RIGI: variants seen among roughly 807,000 people sequenced by gnomAD.
The protein encoded by RIGI is RNA sensor RIG-I, also known as antiviral innate immune response receptor RIG-I.
chr9:32,498,375 C>G, the RIGI span: 8 of 456,508 alleles, frequency 1.8e-5, no homozygotes, highest in Non-Finnish European at 3.1e-5. Flanking sequence ...TTTGGTCACC[C>G]TATTCAGCAT....
chr9:32,502,235 C>A, the RIGI span, among the ~76,000 whole-genome samples: 3 of 152,136 alleles, frequency 2.0e-5, no homozygotes, highest in African/African-American at 7.2e-5. Context: ...ATGGATACAC[C>A]ACATTTTGTT....
the RIGI span, among the ~76,000 whole-genome samples, chr9:32,471,329 T>C: frequency 0.059 from 8,975 of 152,318 alleles, 407 homozygotes; most frequent in Admixed American, 0.11. Context: ...TATATTTTGC[T>C]AAGGCCAAAA....
At chr9:32,468,692 G>A in the RIGI span, among the ~76,000 whole-genome samples, 2 of 151,768 alleles carry the variant, frequency 1.3e-5, no homozygotes, top group African/African-American at 2.4e-5. Flanking sequence ...CAAATGAGGG[G>A]CTTGAGGTTC....
At chr9:32,494,664 A>G in the RIGI span, among the ~76,000 whole-genome samples, 1 of 152,124 alleles carries the variant, frequency 6.6e-6, no homozygotes, top group African/African-American at 2.4e-5. Flanking sequence ...AAACTCTATG[A>G]AACAACTATT....
the RIGI span, among the ~76,000 whole-genome samples, chr9:32,482,220 A>T: frequency 1.1e-3 from 155 of 143,924 alleles, no homozygotes; most frequent in Admixed American, 1.8e-3. Flanking sequence ...TGTGTGTTTG[A>T]TTGTTTCTTG....
chr9:32,466,233 C>T, the RIGI span: 12 of 1,569,338 alleles, frequency 7.6e-6, no homozygotes, highest in Admixed American at 2.0e-4. Context: ...AACCATCCTC[C>T]TCACATTCCC....
the RIGI span, among the ~76,000 whole-genome samples, chr9:32,512,124 A>G: frequency 1.3e-5 from 2 of 152,334 alleles, no homozygotes; most frequent in East Asian, 3.9e-4. Flanking sequence ...TTCACAGCTG[A>G]ATTCTACCAG....
At chr9:32,504,092 G>T in the RIGI span, among the ~76,000 whole-genome samples, 1 of 127,650 alleles carries the variant, frequency 7.8e-6, no homozygotes, top group African/African-American at 3.0e-5. Context: ...GAAACATCCT[G>T]GACAACCTGT....
At chr9:32,469,124 C>T in the RIGI span, among the ~76,000 whole-genome samples, 7 of 152,116 alleles carry the variant, frequency 4.6e-5, no homozygotes. Flanking sequence ...GCCTGGGTCC[C>T]TACAATAAGT....
chr9:32,488,203 C>A, the RIGI span: 1 of 1,612,460 alleles, frequency 6.2e-7, no homozygotes, highest in Non-Finnish European at 8.5e-7. Flanking sequence ...TAACTCTATA[C>A]CTGGGAAATG....
the RIGI span, chr9:32,491,432 C>CA: frequency 6.3e-7 from 1 of 1,581,464 alleles, no homozygotes; most frequent in South Asian, 1.2e-5. Flanking sequence ...TTTTTAAGAC[C>CA]AAAAAAGTCT....
the RIGI span, chr9:32,480,125 A>C: frequency 7.9e-6 from 11 of 1,399,348 alleles, no homozygotes; most frequent in Non-Finnish European, 1.1e-5. Flanking sequence ...AAGCATCCCC[A>C]AGTTTATATA....
the RIGI span, among the ~76,000 whole-genome samples, chr9:32,484,748 G>A: frequency 6.6e-5 from 10 of 152,066 alleles, no homozygotes; most frequent in Non-Finnish European, 1.5e-4. Context: ...TTCAAATCCA[G>A]GCCCTTCACT....
At chr9:32,491,543 A>T in the RIGI span, 1 of 661,886 alleles carries the variant, frequency 1.5e-6, no homozygotes, top group South Asian at 2.3e-5. Context: ...TCTCACAACC[A>T]CTCCCCTTCA....
the RIGI span, chr9:32,488,016 G>A: frequency 1.9e-6 from 3 of 1,613,944 alleles, no homozygotes; most frequent in African/African-American, 1.3e-5. Context: ...TTGTACGGGT[G>A]TTGTTTACTA....
the RIGI span, among the ~76,000 whole-genome samples, chr9:32,507,052 T>A: frequency 1.3e-5 from 2 of 152,168 alleles, no homozygotes; most frequent in East Asian, 1.9e-4. Flanking sequence ...TCTGTGAAAA[T>A]TTTTTTAAAC....
At chr9:32,498,213 T>C in the RIGI span, 2 of 452,530 alleles carry the variant, frequency 4.4e-6, no homozygotes, top group African/African-American at 4.0e-5. Flanking sequence ...TGTCCTCTGC[T>C]TCACCTTCTG....
the RIGI span, among the ~76,000 whole-genome samples, chr9:32,502,501 C>A: frequency 6.6e-6 from 1 of 152,230 alleles, no homozygotes; most frequent in African/African-American, 2.4e-5. Flanking sequence ...AATTTCCACA[C>A]ATCCTTGACA....
chr9:32,466,859 A>G, the RIGI span, among the ~76,000 whole-genome samples: 1 of 152,188 alleles, frequency 6.6e-6, no homozygotes, highest in Non-Finnish European at 1.5e-5. Context: ...AGATACCTAC[A>G]TGAACCCCCA....
Sources: gnomAD v4.1 joint callset for allele counts (sites outside exome capture counted in the v4.1 genomes callset) on GRCh38, gnomAD v4.1.1 for gene constraint, MANE v1.5 for transcripts, NCBI Gene and HGNC (gene_info 2026-07-23, HGNC 2026-07-21) for gene names.